The following PDE1A variants were observed in gnomAD, a reference collection of about 807,000 sequenced individuals.
The protein encoded by PDE1A is phosphodiesterase 1A, also known as dual specificity calcium/calmodulin-dependent 3',5'-cyclic nucleotide phosphodiesterase 1A.
Under a neutral mutation model 61.7 loss-of-function variants are expected in PDE1A, and 35 were observed. The observed-to-expected ratio is 0.57, with a 90% CI of 0.43 to 0.75. The LOEUF (loss-of-function observed/expected upper bound fraction) is 0.75. Among genes scored for constraint, PDE1A ranks in the 30% least tolerant of loss-of-function variants. The pLI is 0.00. For synonymous variants in PDE1A, 232 were observed against 213.2 expected, an observed-to-expected ratio of 1.09 and a Z score of -0.77; for missense variants, 597 against 630.6, an observed-to-expected ratio of 0.95 and a Z score of 0.57.
chr2:182,403,924 T>C (rs1702158313), intron 1 of PDE1A, among the ~76,000 whole-genome samples: 1 of 152,074 alleles, frequency 6.6e-6, no homozygotes, highest in Non-Finnish European at 1.5e-5. Context: ...ATGGCACGTG[T>C]ATACCTACGT....
chr2:182,248,041 C>A (rs1691110950), intron 2 of PDE1A, among the ~76,000 whole-genome samples: 1 of 151,850 alleles, frequency 6.6e-6, no homozygotes, highest in Non-Finnish European at 1.5e-5. Context: ...CTTAGGAATT[C>A]TTAAAATGTG....
downstream of PDE1A, chr2:182,146,896 A>T (rs1237106830): frequency 2.4e-6 from 1 of 408,506 alleles, no homozygotes; most frequent in African/African-American, 2.1e-5. Context: ...TTTACCTGTT[A>T]AGATTTTGTC....
chr2:182,453,474 C>T (rs73045448), intron 2 of PDE1A, among the ~76,000 whole-genome samples: 2,262 of 151,808 alleles, frequency 0.015, 62 homozygotes, highest in African/African-American at 0.052. Context: ...CTTTAACAGA[C>T]GAATTTGCAA....
At chr2:182,264,390 C>T (rs1035508415) in exon 2 of PDE1A, 4 of 1,613,158 alleles carry the variant, frequency 2.5e-6, no homozygotes, top group Non-Finnish European at 3.4e-6. Context: ...CACCTCTTTC[C>T]AGCTGCTTCA....
At chr2:182,230,256 T>C in intron 5 of PDE1A, 110 bp from the exon 6 acceptor site, 1 of 732,816 alleles carries the variant, frequency 1.4e-6, no homozygotes. Context: ...GGACAGTAGT[T>C]TCTTTATGTC....
intron 2 of PDE1A, among the ~76,000 whole-genome samples, chr2:182,444,550 G>T (rs928099649): frequency 1.3e-5 from 2 of 151,754 alleles, no homozygotes; most frequent in Admixed American, 1.3e-4. Flanking sequence ...TATCTATATT[G>T]TACTTGAGCA....
chr2:182,309,829 T>C (rs927547102), intron 1 of PDE1A, among the ~76,000 whole-genome samples: 5 of 152,122 alleles, frequency 3.3e-5, no homozygotes, highest in Admixed American at 6.6e-5. Context: ...CTGCATGTGA[T>C]TGATGTGAAT....
chr2:182,145,449 C>T (rs375283474), downstream of PDE1A, among the ~76,000 whole-genome samples: 1 of 152,092 alleles, frequency 6.6e-6, no homozygotes, highest in East Asian at 1.9e-4. Flanking sequence ...AAAAAGGGGC[C>T]GGGTGCAGTG....
intron 2 of PDE1A, among the ~76,000 whole-genome samples, chr2:182,489,369 T>C (rs1051582188): frequency 3.9e-5 from 6 of 152,188 alleles, no homozygotes; most frequent in African/African-American, 1.2e-4. Flanking sequence ...AAAGGGCCAA[T>C]GAAAGCTCTC....
chr2:182,630,495 A>G, the PDE1A span, among the ~76,000 whole-genome samples: 1 of 152,168 alleles, frequency 6.6e-6, no homozygotes, highest in Non-Finnish European at 1.5e-5. Flanking sequence ...ATTCAAATAC[A>G]ATAAATTACA....
the PDE1A span, among the ~76,000 whole-genome samples, chr2:182,687,182 G>A: frequency 1.3e-5 from 2 of 152,204 alleles, no homozygotes; most frequent in Non-Finnish European, 2.9e-5. Flanking sequence ...TTTGAAGAGA[G>A]TAGTGGTTCT....
chr2:182,431,219 C>T (rs1241573039), upstream of PDE1A, among the ~76,000 whole-genome samples: 1 of 151,160 alleles, frequency 6.6e-6, no homozygotes, highest in South Asian at 2.1e-4. Context: ...ATTAGAGTAC[C>T]TCACACACCT....
intron 2 of PDE1A, among the ~76,000 whole-genome samples, chr2:182,446,358 G>C (rs1685132929): frequency 6.6e-6 from 1 of 152,028 alleles, no homozygotes; most frequent in Non-Finnish European, 1.5e-5. Context: ...ACTTATCTTA[G>C]CCATTGATAT....
chr2:182,236,632 A>AT (rs1002054427), intron 3 of PDE1A, among the ~76,000 whole-genome samples: 1 of 152,218 alleles, frequency 6.6e-6, no homozygotes, highest in African/African-American at 2.4e-5. Context: ...AATGAGAATA[A>AT]TTATAAGCTT....
chr2:182,362,675 G>A (rs554663756), intron 1 of PDE1A, among the ~76,000 whole-genome samples: 1 of 151,804 alleles, frequency 6.6e-6, no homozygotes. Context: ...ATTCCTCAGA[G>A]ACCTAAGAAA....
the PDE1A span, among the ~76,000 whole-genome samples, chr2:182,655,637 T>C: frequency 6.6e-6 from 1 of 152,204 alleles, no homozygotes; most frequent in Non-Finnish European, 1.5e-5. Context: ...ATGCATTATT[T>C]TGCAAGGCAT....
At chr2:182,702,216 G>A in the PDE1A span, among the ~76,000 whole-genome samples, 1 of 152,146 alleles carries the variant, frequency 6.6e-6, no homozygotes, top group African/African-American at 2.4e-5. Flanking sequence ...CAATTCTCTT[G>A]CCTCAGCCTC....
At chr2:182,234,292 A>T in intron 4 of PDE1A, 140 bp downstream of exon 4, 1 of 593,268 alleles carries the variant, frequency 1.7e-6, no homozygotes, top group Non-Finnish European at 3.0e-6. Flanking sequence ...TTCATTTTTT[A>T]AATTGTTAGG....
chr2:182,343,707 A>G lies in PDE1A; in HGVS notation c.54-79293T>C, dbSNP rs141528593. Among the ~76,000 whole-genome samples, 506 of 152,274 alleles carry G rather than the reference A, an allele frequency of 3.3e-3. 17 individuals are homozygous for G. In the East Asian group the frequency reaches 0.059, roughly 18 times the overall value. Reference sequence around the variant, plus strand: ...TGGGTATTGTGGTACCAGAATTACAATATTACCATTTATGATTTCTTATAT... The same window carrying G: ...TGGGTATTGTGGTACCAGAATTACAGTATTACCATTTATGATTTCTTATAT... On this transcript the variant is annotated intron_variant, in intron 1 of 13. Coordinates refer to ENST00000351439, the Ensembl canonical transcript of PDE1A.
Sources: allele counts gnomAD v4.1 joint callset (sites outside exome capture counted in the v4.1 genomes callset), GRCh38; gene constraint gnomAD v4.1.1; transcripts MANE v1.5; gene names NCBI Gene and HGNC (gene_info 2026-07-23, HGNC 2026-07-21).